RTL4: variants seen among roughly 807,000 people sequenced by gnomAD.
The protein encoded by RTL4 is retrotransposon Gag like 4.
RTL4 carries 4 observed loss-of-function variants against 5.3 expected under a neutral mutation model. The observed-to-expected ratio is 0.75, with a 90% CI of 0.37 to 1.72. RTL4 has a LOEUF of 1.72. RTL4 is among the 40% of genes most tolerant of loss of function. The pLI, the probability that RTL4 is intolerant of heterozygous loss-of-function variation, is 0.04. For missense variants in RTL4, 260 were observed against 227.1 expected, an observed-to-expected ratio of 1.14 and a Z score of -0.93; for synonymous variants, 98 against 87.3, an observed-to-expected ratio of 1.12 and a Z score of -0.68.
the RTL4 span, among the ~76,000 whole-genome samples, chrX:112,431,722 CT>C: frequency 4.6e-5 from 5 of 108,914 alleles, no homozygotes; most frequent in African/African-American, 1.3e-4. Flanking sequence ...CTGAGTGGTT[CT>C]TTTTTTTTAT....
the RTL4 span, among the ~76,000 whole-genome samples, chrX:112,161,889 T>TTCC: frequency 1.2e-5 from 1 of 85,144 alleles, no homozygotes; most frequent in East Asian, 3.7e-4. Flanking sequence ...TTCTTCTTTC[T>TTCC]TTCTTCTTTT....
At chrX:112,240,992 A>G in the RTL4 span, among the ~76,000 whole-genome samples, 11 of 111,526 alleles carry the variant, frequency 9.9e-5, no homozygotes, top group South Asian at 3.8e-4. Flanking sequence ...TACAAAGGAC[A>G]TGAACTCATC....
chrX:112,450,770 G>A (rs780694661), upstream of RTL4, among the ~76,000 whole-genome samples: 1 of 112,113 alleles, frequency 8.9e-6, no homozygotes, highest in South Asian at 3.7e-4. Flanking sequence ...GAACTTCTGA[G>A]AGTGGAGGAA....
chrX:112,151,231 G>A, the RTL4 span, among the ~76,000 whole-genome samples: 3 of 112,228 alleles, frequency 2.7e-5, no homozygotes, highest in Non-Finnish European at 5.6e-5. Context: ...GTCTCACATT[G>A]GGGATACATT....
the RTL4 span, among the ~76,000 whole-genome samples, chrX:112,415,842 G>A: frequency 2.7e-5 from 3 of 111,510 alleles, no homozygotes; most frequent in African/African-American, 9.8e-5. Flanking sequence ...ACAGAACCAG[G>A]ATTTGAACCC....
At chrX:112,419,595 T>TATATATATATATATATATATATA in the RTL4 span, among the ~76,000 whole-genome samples, 235 of 28,069 alleles carry the variant, frequency 8.4e-3, 7 homozygotes, top group Middle Eastern at 0.022. Context: ...ATATATATAT[T>TATATATATATATATATATATATA]TTTACATATG....
chrX:112,156,083 T>C, the RTL4 span, among the ~76,000 whole-genome samples: 4 of 112,093 alleles, frequency 3.6e-5, no homozygotes, highest in Non-Finnish European at 7.5e-5. Context: ...TGTGGGATCA[T>C]TGAGGATATT....
the RTL4 span, among the ~76,000 whole-genome samples, chrX:112,446,404 C>A: frequency 8.9e-6 from 1 of 111,916 alleles, no homozygotes; most frequent in Non-Finnish European, 1.9e-5. Flanking sequence ...TCTGGCTAAA[C>A]CCACTGAAGT....
the RTL4 span, among the ~76,000 whole-genome samples, chrX:112,351,158 T>TCCATG: frequency 9.0e-6 from 1 of 111,283 alleles, no homozygotes; most frequent in Non-Finnish European, 1.9e-5. Flanking sequence ...TTGTTCAGTT[T>TCCATG]CCATGTAGTT....
the RTL4 span, among the ~76,000 whole-genome samples, chrX:112,179,103 C>T: frequency 9.0e-6 from 1 of 111,615 alleles, no homozygotes; most frequent in Non-Finnish European, 1.9e-5. Flanking sequence ...AGTCACATTA[C>T]AGGAGGTAAA....
At chrX:112,157,820 TG>T in the RTL4 span, among the ~76,000 whole-genome samples, 2 of 112,138 alleles carry the variant, frequency 1.8e-5, no homozygotes, top group Admixed American at 9.5e-5. Flanking sequence ...CTTTCTTGCT[TG>T]ATCTGAAGCC....
At chrX:112,260,532 G>A in the RTL4 span, among the ~76,000 whole-genome samples, 1 of 111,495 alleles carries the variant, frequency 9.0e-6, no homozygotes, top group Admixed American at 9.5e-5. Flanking sequence ...GTTTTAAAAG[G>A]GGGATGGTTG....
At chrX:112,442,294 G>C in the RTL4 span, among the ~76,000 whole-genome samples, 13 of 107,055 alleles carry the variant, frequency 1.2e-4, no homozygotes, top group African/African-American at 4.1e-4. Flanking sequence ...AGGATGGAGT[G>C]CAGTGGCACA....
chrX:112,341,776 A>C, the RTL4 span, among the ~76,000 whole-genome samples: 1 of 111,777 alleles, frequency 8.9e-6, no homozygotes, highest in African/African-American at 3.3e-5. Flanking sequence ...GGGTCAGATG[A>C]GTAATCTTAA....
the RTL4 span, among the ~76,000 whole-genome samples, chrX:112,346,392 GC>G: frequency 9.0e-6 from 1 of 111,211 alleles, no homozygotes; most frequent in Non-Finnish European, 1.9e-5. Flanking sequence ...ATGGCAAGGA[GC>G]CAATGATGAG....
the RTL4 span, among the ~76,000 whole-genome samples, chrX:112,186,923 A>G: frequency 2.7e-5 from 3 of 112,302 alleles, no homozygotes; most frequent in African/African-American, 9.7e-5. Context: ...TTGGTTGGAT[A>G]CAGCCAATTG....
chrX:112,176,412 G>A, the RTL4 span, among the ~76,000 whole-genome samples: 5 of 111,566 alleles, frequency 4.5e-5, no homozygotes, highest in East Asian at 2.8e-4. Context: ...TAGCTTTTCC[G>A]TGGTTTAGTG....
chrX:112,303,250 A>G, the RTL4 span, among the ~76,000 whole-genome samples: 43 of 111,831 alleles, frequency 3.8e-4, no homozygotes, highest in African/African-American at 1.3e-3. Flanking sequence ...TATACCAAAC[A>G]CAAAAAATAC....
the RTL4 span, among the ~76,000 whole-genome samples, chrX:112,113,721 G>A: frequency 3.5e-3 from 397 of 111,966 alleles, no homozygotes; most frequent in Admixed American, 7.3e-3. Flanking sequence ...CTTCAGCATA[G>A]TGGGCAAGGG....
Sources: allele counts gnomAD v4.1 joint callset (sites outside exome capture counted in the v4.1 genomes callset), GRCh38; gene constraint gnomAD v4.1.1; transcripts MANE v1.5; gene names NCBI Gene and HGNC (gene_info 2026-07-23, HGNC 2026-07-21).